CTNNBL1: variants seen among roughly 807,000 people sequenced by gnomAD.
CTNNBL1 encodes the protein beta-catenin-like protein 1.
In CTNNBL1, 31 loss-of-function variants were observed where a neutral mutation model predicts 72.7. That is an observed-to-expected ratio of 0.43 (90% CI 0.32 to 0.58). The LOEUF is 0.58. CTNNBL1 is among the 20% of genes least tolerant of loss of function. The probability of loss-of-function intolerance (pLI) is 0.08; values close to 1 mark genes in which losing one functional copy is unlikely to be tolerated. For synonymous variants in CTNNBL1, 240 were observed against 267.3 expected (o/e 0.90, Z 1.00); for missense variants, 534 against 725.1 (o/e 0.74, Z 3.03).
At chr20:37,779,089 T>C (rs193135091) in intron 9 of CTNNBL1, 98 bp from the exon 10 acceptor site, 1 of 1,209,952 alleles carries the variant, frequency 8.3e-7, no homozygotes, top group Admixed American at 1.8e-5. Context: ...TCCTCAGTCG[T>C]AGAGTTATGA....
At chr20:37,806,968 C>G (rs974384625) in intron 11 of CTNNBL1, among the ~76,000 whole-genome samples, 10 of 152,170 alleles carry the variant, frequency 6.6e-5, no homozygotes, top group Admixed American at 5.9e-4. Flanking sequence ...TAGGGTCCAT[C>G]TTATTTGATA....
Position 37,872,097 on chromosome 20 carries a change from C to A in CTNNBL1, c.*84C>A. ...TACACAACTCTGTGTGGCTTTTGGA[C>A]AAATTAAAGCTAGTTTTGGTATCCC... On this transcript the variant is annotated 3_prime_UTR_variant, in exon 16 of 16. Coordinates refer to ENST00000361383, the MANE Select transcript of CTNNBL1 (RefSeq NM_030877.5). The A allele has an allele frequency of 7.9e-7, 1 of 1,259,846 alleles. No homozygotes were observed. The highest frequency in any genetic ancestry group is 1.2e-6 in the Non-Finnish European group (1 of 864,956). The allele number at this position is 1,259,846 out of a possible 1,614,324, so 78.0% of individuals were successfully genotyped here. A position where few individuals can be genotyped will look rare whatever the true frequency, so the allele number is the denominator to read the frequency against.
At chr20:37,813,285 C>CA (rs2072028186) in intron 11 of CTNNBL1, among the ~76,000 whole-genome samples, 1 of 152,306 alleles carries the variant, frequency 6.6e-6, no homozygotes, top group African/African-American at 2.4e-5. Flanking sequence ...AGAGCTGTTG[C>CA]AAGGATTGAC....
At chr20:37,800,504 ATC>A (rs2073815072) in intron 10 of CTNNBL1, among the ~76,000 whole-genome samples, 1 of 152,110 alleles carries the variant, frequency 6.6e-6, no homozygotes. Context: ...ACAGACTGGA[ATC>A]TCTTCAGAAA....
intron 11 of CTNNBL1, among the ~76,000 whole-genome samples, chr20:37,811,794 A>G (rs2072013784): frequency 6.6e-6 from 1 of 152,218 alleles, no homozygotes; most frequent in Non-Finnish European, 1.5e-5. Context: ...GTCACCTCAC[A>G]TTTATCGGGC....
chr20:37,750,561 T>C (rs1285850760), intron 4 of CTNNBL1: 1 of 152,116 alleles, frequency 6.6e-6, no homozygotes, highest in African/African-American at 2.4e-5. Flanking sequence ...TGCTAAAAAA[T>C]CCATTTTTGT....
chr20:37,833,231 C>T (rs1429879813), intron 11 of CTNNBL1, among the ~76,000 whole-genome samples: 1 of 152,166 alleles, frequency 6.6e-6, no homozygotes, highest in Non-Finnish European at 1.5e-5. Context: ...TTATAAAACT[C>T]GAACTGCCCC....
At chr20:37,853,760 T>C (rs115983614) in intron 13 of CTNNBL1, among the ~76,000 whole-genome samples, 1,902 of 152,358 alleles carry the variant, frequency 0.012, 43 homozygotes, top group African/African-American at 0.043. Context: ...TTTCTTGTTT[T>C]CCATAATCAT....
intron 1 of CTNNBL1, among the ~76,000 whole-genome samples, chr20:37,730,014 A>G (rs574959749): frequency 1.3e-5 from 2 of 152,340 alleles, no homozygotes; most frequent in African/African-American, 4.8e-5. Context: ...GTGGTACCCT[A>G]CAAACTAAAT....
intron 13 of CTNNBL1, among the ~76,000 whole-genome samples, chr20:37,857,877 T>A (rs1292170209): frequency 6.6e-6 from 1 of 152,194 alleles, no homozygotes; most frequent in Non-Finnish European, 1.5e-5. Flanking sequence ...GAGTTCTCAC[T>A]CCTGAGAGCT....
chr20:37,731,043 T>A (rs2073123584), intron 1 of CTNNBL1, among the ~76,000 whole-genome samples: 1 of 152,194 alleles, frequency 6.6e-6, no homozygotes, highest in Admixed American at 6.5e-5. Context: ...TACAAGGTGA[T>A]ATTTTGATAT....
At chr20:37,745,486 A>G (rs949498956) in intron 3 of CTNNBL1, among the ~76,000 whole-genome samples, 1 of 152,218 alleles carries the variant, frequency 6.6e-6, no homozygotes, top group African/African-American at 2.4e-5. Context: ...TGCTTTTTAT[A>G]TGGTAGACAT....
At chr20:37,754,282 C>CTTTTTTTT (rs369597087) in intron 4 of CTNNBL1, among the ~76,000 whole-genome samples, 3 of 111,832 alleles carry the variant, frequency 2.7e-5, no homozygotes, top group Admixed American at 9.3e-5. Context: ...TATTTATTTG[C>CTTTTTTTT]TTTTTTTTTT....
At chr20:37,726,439 C>G (rs558881025) in intron 1 of CTNNBL1, among the ~76,000 whole-genome samples, 1 of 152,286 alleles carries the variant, frequency 6.6e-6, no homozygotes, top group South Asian at 2.1e-4. Flanking sequence ...GATTTAGAAG[C>G]CTTGTGGTCT....
chr20:37,752,303 C>T (rs1410947486), intron 4 of CTNNBL1, among the ~76,000 whole-genome samples: 1 of 152,134 alleles, frequency 6.6e-6, no homozygotes. Context: ...AGTCCAGGTT[C>T]ATTCTAGGTG....
At chr20:37,779,699 C>G (rs912128877) in intron 10 of CTNNBL1, among the ~76,000 whole-genome samples, 8 of 152,048 alleles carry the variant, frequency 5.3e-5, no homozygotes, top group African/African-American at 1.9e-4. Context: ...TCACATAGAC[C>G]TATCTATGCC....
At chr20:37,850,801 C>T (rs560780436) in intron 13 of CTNNBL1, among the ~76,000 whole-genome samples, 1 of 152,242 alleles carries the variant, frequency 6.6e-6, no homozygotes, top group South Asian at 2.1e-4. Context: ...ACTGGAGACC[C>T]GAGTGGAGGC....
intron 10 of CTNNBL1, among the ~76,000 whole-genome samples, chr20:37,799,372 C>A (rs1173846528): frequency 6.6e-6 from 1 of 152,210 alleles, no homozygotes; most frequent in Non-Finnish European, 1.5e-5. Flanking sequence ...CCTCAGTCAT[C>A]TTCCACCACT....
chr20:37,742,273 C>T (rs16986916), intron 3 of CTNNBL1, among the ~76,000 whole-genome samples: 14,097 of 152,080 alleles, frequency 0.093, 988 homozygotes, highest in African/African-American at 0.2. Context: ...CTTTTAAGTA[C>T]CCTAAAACCA....
Sources: gnomAD v4.1 joint callset for allele counts (sites outside exome capture counted in the v4.1 genomes callset) on GRCh38, gnomAD v4.1.1 for gene constraint, MANE v1.5 for transcripts, NCBI Gene and HGNC (gene_info 2026-07-23, HGNC 2026-07-21) for gene names.